The following TEAD4 variants were observed in gnomAD, a reference collection of about 807,000 sequenced individuals.
TEAD4 encodes the protein TEA domain transcription factor 4.
TEAD4 carries 36 observed loss-of-function variants against 52.4 expected under a neutral mutation model. That is an observed-to-expected ratio of 0.69 (90% CI 0.53 to 0.91). TEAD4 has a LOEUF of 0.91. Ranked by LOEUF, TEAD4 falls within the 40% of genes least tolerant of loss-of-function variation. The probability of loss-of-function intolerance (pLI) is 0.00; values close to 1 mark genes in which losing one functional copy is unlikely to be tolerated. For missense variants in TEAD4, 508 were observed against 583.9 expected (o/e 0.87, Z 1.34); for synonymous variants, 220 against 231.0 (o/e 0.95, Z 0.43).
At chr12:2,993,784 G>T (rs2098245037) in intron 2 of TEAD4, among the ~76,000 whole-genome samples, 1 of 152,106 alleles carries the variant, frequency 6.6e-6, no homozygotes, top group South Asian at 2.1e-4. Context: ...GGCCTAATGT[G>T]ACTGCTTAGA....
At chr12:2,977,254 C>T (rs1250595200) in intron 2 of TEAD4, among the ~76,000 whole-genome samples, 1 of 152,216 alleles carries the variant, frequency 6.6e-6, no homozygotes, top group African/African-American at 2.4e-5. Flanking sequence ...GTCTTGAGTC[C>T]AGAGCCCAAA....
In TEAD4 at chr12:2,976,471, C is replaced by G. The variant is rs549480202; in HGVS notation, c.-30+16431C>G. On this transcript the variant is annotated intron_variant, in intron 2 of 12. Transcript: ENST00000359864. ...AAGCTGCGCTTGGAGGCTAATTTGCCTTCCTCTGGGTACCTGTTTCCAGGG... is the reference window on the plus strand; with the variant it reads ...AAGCTGCGCTTGGAGGCTAATTTGCGTTCCTCTGGGTACCTGTTTCCAGGG... Among the ~76,000 whole-genome samples the G allele has an allele frequency of 2.0e-4, 31 of 152,374 alleles. No homozygotes were observed. In the Middle Eastern group the frequency reaches 0.01, roughly 50 times the overall value.
intron 2 of TEAD4, among the ~76,000 whole-genome samples, chr12:2,986,464 T>G (rs577869552): frequency 7.3e-5 from 11 of 151,552 alleles, no homozygotes; most frequent in African/African-American, 2.7e-4. Flanking sequence ...ATGGTGAAAC[T>G]CCGTCTCCAC....
intron 10 of TEAD4, among the ~76,000 whole-genome samples, chr12:3,033,333 C>T (rs954079362): frequency 2.6e-5 from 4 of 152,224 alleles, no homozygotes; most frequent in Non-Finnish European, 4.4e-5. Context: ...AGCCTCAGCC[C>T]TATCTGCTGA....
At chr12:3,037,393 G>T (rs1224974901) in intron 10 of TEAD4, among the ~76,000 whole-genome samples, 1 of 152,168 alleles carries the variant, frequency 6.6e-6, no homozygotes, top group South Asian at 2.1e-4. Context: ...AGTGCCTAGA[G>T]GGGGAAGAGG....
chr12:2,983,453 G>T (rs772157396), intron 2 of TEAD4, among the ~76,000 whole-genome samples: 12 of 152,284 alleles, frequency 7.9e-5, no homozygotes, highest in Non-Finnish European at 1.8e-4. Flanking sequence ...GTGAACCACA[G>T]ATACTGCTAG....
chr12:3,015,791 G>T (rs535732390), intron 5 of TEAD4, among the ~76,000 whole-genome samples: 2 of 152,174 alleles, frequency 1.3e-5, no homozygotes, highest in Admixed American at 6.5e-5. Context: ...AAGTAGTTGG[G>T]AGGTTCTCAA....
Position 2,977,380 on chromosome 12 carries a change from AGGG to A in TEAD4, c.-30+17342_-30+17344del, listed in dbSNP as rs1387659498. Among the ~76,000 whole-genome samples, 3 of 151,964 alleles carry A rather than the reference AGGG, an allele frequency of 2.0e-5. No homozygotes were observed. In the East Asian group the frequency reaches 5.8e-4, roughly 29 times the overall value. ...CTCTCTTTTGACCAGGCATTGCTCA[AGGG>A]GTCCAGCTCTCTGACTTTTGTTCCA... On this transcript the variant is annotated intron_variant, in intron 2 of 12. Coordinates refer to ENST00000359864, the MANE Select transcript of TEAD4 (RefSeq NM_003213.4).
intron 10 of TEAD4, among the ~76,000 whole-genome samples, chr12:3,025,608 C>T (rs959388378): frequency 6.6e-6 from 1 of 151,850 alleles, no homozygotes; most frequent in Non-Finnish European, 1.5e-5. Context: ...GCAATCTTGG[C>T]TTATTGCAAC....
chr12:2,983,251 A>G (rs1163504695), intron 2 of TEAD4, among the ~76,000 whole-genome samples: 2 of 152,218 alleles, frequency 1.3e-5, no homozygotes, highest in African/African-American at 4.8e-5. Context: ...CAATGAAGAC[A>G]ATAAGAAATA....
rs775130069 is a variant in TEAD4 at position 2,960,424 on chromosome 12, C to T, written c.-30+384C>T. 672 of 938,186 alleles carry T rather than the reference C, an allele frequency of 7.2e-4. 2 individuals carry two copies. The highest frequency in any genetic ancestry group is 8.0e-4 in the Non-Finnish European group (633 of 786,930). The allele number at this position is 938,186 out of a possible 1,614,324, so 58.1% of individuals were successfully genotyped here. A position where few individuals can be genotyped will look rare whatever the true frequency, so the allele number is the denominator to read the frequency against. The stretch of plus-strand genomic sequence containing the variant: ...GGGGACCCCTGCAAAAGGTCCTACA[C>T]CTCAGGGCTTGGGAAGCTGCTGTGT... On this transcript the variant is annotated intron_variant, in intron 2 of 12. Transcript: ENST00000359864.
chr12:3,028,312 A>G (rs1375412778), intron 10 of TEAD4, among the ~76,000 whole-genome samples: 1 of 152,070 alleles, frequency 6.6e-6, no homozygotes, highest in Non-Finnish European at 1.5e-5. Context: ...TTTCATTTCC[A>G]TATGCTTATG....
In TEAD4 at chr12:2,985,254, A is replaced by G. The variant is rs112023934; in HGVS notation, c.-29-9484A>G. ...AAAAAAACTAGCCAGTCGTGGTGGC[A>G]GGCACCTGTAGTCCCAGCTGCTCAG... On this transcript the variant is annotated intron_variant, in intron 2 of 12. Transcript: ENST00000359864. Among the ~76,000 whole-genome samples, 613 of 151,838 alleles carry G rather than the reference A, an allele frequency of 4.0e-3. 3 individuals are homozygous for G. Among genetic ancestry groups the G allele is most frequent in the African/African-American group, 0.013 (547 of 41,446 alleles).
In TEAD4 at chr12:3,017,446, T is replaced by A. The variant is rs2098265389; in HGVS notation, c.403T>A (p.Ser135Thr). The A allele has an allele frequency of 1.9e-6, 3 of 1,613,998 alleles. No homozygotes were observed. In the South Asian group the frequency reaches 3.3e-5, roughly 18 times the overall value. ...CCTGCAGAGCATGGCTGCCATGTCGTCTGCACAGATCATCTCCGCCACGGC... is the reference window on the plus strand; with the variant it reads ...CCTGCAGAGCATGGCTGCCATGTCGACTGCACAGATCATCTCCGCCACGGC... Residue 135 changes from serine (S) to threonine (T), a missense_variant, in exon 6 of 13, where the codon TCT becomes ACT. Ser to Thr is a moderately conservative substitution (Grantham distance 58). Coordinates refer to ENST00000359864, the MANE Select transcript of TEAD4 (RefSeq NM_003213.4).
chr12:3,007,536 C>A (rs2098256927), intron 3 of TEAD4, among the ~76,000 whole-genome samples: 1 of 152,178 alleles, frequency 6.6e-6, no homozygotes, highest in Non-Finnish European at 1.5e-5. Context: ...CGTTAGGACC[C>A]AGCACTTACA....
In TEAD4 at chr12:3,038,122, C is replaced by G. The variant is rs2098280531; in HGVS notation, c.1038+14C>G. ...GAGAAAGTTGAGGTAGGAGGCCACC[C>G]TGGCGGGTGAGGGCCGGTGGCAGTG... On this transcript the variant is annotated intron_variant, in intron 11 of 12. Coordinates refer to ENST00000359864, the MANE Select transcript of TEAD4 (RefSeq NM_003213.4). 2 of 1,608,312 alleles carry G rather than the reference C, an allele frequency of 1.2e-6. No individual in the cohort carries two copies. Among genetic ancestry groups the G allele is most frequent in the Non-Finnish European group, 8.5e-7 (1 of 1,176,182 alleles).
At chr12:2,962,227 C>T (rs1001456586) in intron 2 of TEAD4, among the ~76,000 whole-genome samples, 1 of 146,558 alleles carries the variant, frequency 6.8e-6, no homozygotes, top group Non-Finnish European at 1.5e-5. Context: ...TGGGTTCAAG[C>T]GATTCTCCTG....
At chr12:2,995,595 G>A (rs999819727) in intron 3 of TEAD4, among the ~76,000 whole-genome samples, 17 of 152,188 alleles carry the variant, frequency 1.1e-4, no homozygotes, top group Admixed American at 8.5e-4. Flanking sequence ...CTTGATCTTT[G>A]TGAGTGGCTG....
rs1234654247 is a variant in TEAD4 at position 2,994,459 on chromosome 12, G to A, written c.-29-279G>A. Among the ~76,000 whole-genome samples, 1 of 152,130 alleles carries A rather than the reference G, an allele frequency of 6.6e-6. No individual in the cohort carries two copies. Among genetic ancestry groups the A allele is most frequent in the Non-Finnish European group, 1.5e-5 (1 of 68,020 alleles). On this transcript the variant is annotated intron_variant, in intron 2 of 12. Coordinates refer to ENST00000359864, the MANE Select transcript of TEAD4 (RefSeq NM_003213.4). The surrounding 1 kb of genome is among the most constrained non-coding windows in gnomAD (Gnocchi z 4.7). ...GTCGATTTAATGTCAGTGCATCCCC[G>A]GCACTGCATCCTTGTCTCCTACTTT...
Sources: gnomAD v4.1 joint callset for allele counts (sites outside exome capture counted in the v4.1 genomes callset) on GRCh38, gnomAD v4.1.1 for gene constraint, Gnocchi (gnomAD v3.1) non-coding constraint, MANE v1.5 for transcripts, NCBI Gene and HGNC (gene_info 2026-07-23, HGNC 2026-07-21) for gene names.